OPCML: variants seen among roughly 807,000 people sequenced by gnomAD.
The protein encoded by OPCML is opioid-binding protein/cell adhesion molecule.
OPCML carries 13 observed loss-of-function variants against 37.8 expected under a neutral mutation model. The ratio of observed to expected loss-of-function variants is 0.34; its 90% confidence interval spans 0.22 to 0.55. The LOEUF is 0.55. Ranked by LOEUF, OPCML falls within the 20% of genes least tolerant of loss-of-function variation. The pLI, the probability that OPCML is intolerant of heterozygous loss-of-function variation, is 0.91. For synonymous variants in OPCML, 176 were observed against 168.8 expected (o/e 1.04, Z -0.33); for missense variants, 341 against 435.6 (o/e 0.78, Z 1.93).
At chr11:132,505,962 A>T (rs927726955) in intron 4 of OPCML, among the ~76,000 whole-genome samples, 11 of 152,180 alleles carry the variant, frequency 7.2e-5, no homozygotes, top group Non-Finnish European at 1.5e-4. Context: ...GAAGAGACAC[A>T]TCACATCTCC....
intron 1 of OPCML, among the ~76,000 whole-genome samples, chr11:133,349,713 T>C (rs1944084772): frequency 6.6e-6 from 1 of 152,208 alleles, no homozygotes; most frequent in Admixed American, 6.5e-5. Context: ...TGGATTTTCT[T>C]TCTGAAGATG....
In OPCML at chr11:133,014,845, C is replaced by T. The variant is rs1003007745; in HGVS notation, c.62-71835G>A. 5.3e-5 allele frequency among the ~76,000 whole-genome samples: 8 copies of T among 152,238 alleles called. 1 individual carries two copies. The highest frequency in any genetic ancestry group is 1.2e-4 in the Non-Finnish European group (8 of 68,048). The stretch of plus-strand genomic sequence containing the variant: ...CTCAAGCCCTCTCTCTCTTCTCCAA[C>T]CCACATCTACTGTCCTAGTATTGGT... On this transcript the variant is annotated intron_variant, in intron 1 of 7. Transcript: ENST00000524381.
intron 1 of OPCML, among the ~76,000 whole-genome samples, chr11:133,048,633 AT>A (rs1030455690): frequency 6.6e-6 from 1 of 152,102 alleles, no homozygotes; most frequent in East Asian, 1.9e-4. Context: ...ACAATAAAAC[AT>A]TTTTTTCTAT....
chr11:132,698,551 T>G (rs979609129), intron 2 of OPCML, among the ~76,000 whole-genome samples: 5 of 152,236 alleles, frequency 3.3e-5, no homozygotes, highest in Non-Finnish European at 7.3e-5. Context: ...CTCAGATATA[T>G]GGTTTGCAAA....
chr11:132,876,230 C>G (rs1165534922), intron 2 of OPCML, among the ~76,000 whole-genome samples: 1 of 152,136 alleles, frequency 6.6e-6, no homozygotes, highest in African/African-American at 2.4e-5. Flanking sequence ...AAACCTTAAG[C>G]CCAGGAGGTC....
intron 2 of OPCML, among the ~76,000 whole-genome samples, chr11:132,914,256 C>T (rs1944533228): frequency 6.6e-6 from 1 of 152,178 alleles, no homozygotes; most frequent in Non-Finnish European, 1.5e-5. Context: ...TGAGACTCTT[C>T]GATATCTCCA....
intron 1 of OPCML, among the ~76,000 whole-genome samples, chr11:133,344,144 C>T (rs1943942122): frequency 6.6e-6 from 1 of 152,198 alleles, no homozygotes; most frequent in Admixed American, 6.5e-5. Flanking sequence ...AATCAGCGTG[C>T]TCCCTCCCTA....
At chr11:132,874,991 T>G (rs986420375) in intron 2 of OPCML, among the ~76,000 whole-genome samples, 1 of 152,220 alleles carries the variant, frequency 6.6e-6, no homozygotes, top group Non-Finnish European at 1.5e-5. Flanking sequence ...ATTTAAAACA[T>G]AGTCTCAGAT....
At chr11:132,426,932 GA>G (rs1251065965) in intron 7 of OPCML, among the ~76,000 whole-genome samples, 8 of 152,062 alleles carry the variant, frequency 5.3e-5, no homozygotes, top group Non-Finnish European at 7.4e-5. Flanking sequence ...AGAGCTCTCA[GA>G]AAAAAATATA....
At chr11:133,279,523 A>G (rs1468781815) in intron 1 of OPCML, among the ~76,000 whole-genome samples, 1 of 152,140 alleles carries the variant, frequency 6.6e-6, no homozygotes, top group Non-Finnish European at 1.5e-5. Flanking sequence ...GGTCTTAGCA[A>G]ACTCACTACT....
At chr11:132,983,483 T>A (rs1946630409) in intron 1 of OPCML, among the ~76,000 whole-genome samples, 1 of 152,246 alleles carries the variant, frequency 6.6e-6, no homozygotes, top group Admixed American at 6.5e-5. Context: ...GACTGGTGAG[T>A]GACCACCCAG....
chr11:133,252,287 A>G (rs1480688686), intron 1 of OPCML, among the ~76,000 whole-genome samples: 1 of 152,242 alleles, frequency 6.6e-6, no homozygotes, highest in Non-Finnish European at 1.5e-5. Context: ...CAAATTTCTC[A>G]TAATATTTAA....
intron 3 of OPCML, among the ~76,000 whole-genome samples, chr11:132,578,728 G>T (rs1486224184): frequency 1.3e-5 from 2 of 152,198 alleles, no homozygotes; most frequent in Admixed American, 1.3e-4. Flanking sequence ...ATCTGAGCTT[G>T]CTAACAACAC....
intron 2 of OPCML, among the ~76,000 whole-genome samples, chr11:132,698,224 G>T (rs1943672012): frequency 6.6e-6 from 1 of 151,954 alleles, no homozygotes; most frequent in African/African-American, 2.4e-5. Context: ...CTTCCATACT[G>T]TTTCCACAAT....
intron 3 of OPCML, among the ~76,000 whole-genome samples, chr11:132,618,509 C>T (rs763041896): frequency 6.6e-6 from 1 of 151,890 alleles, no homozygotes; most frequent in Non-Finnish European, 1.5e-5. Context: ...TCTCAAAAAA[C>T]AAAAATACTT....
chr11:132,868,188 A>C lies in OPCML; in HGVS notation c.146+74738T>G, dbSNP rs944191982. ...GAGGCACCAAGAGCTGCCTTTCCCA[A>C]TTTCTCATAACTGGGCAACAAGGTC... On this transcript the variant is annotated intron_variant, in intron 2 of 7. Transcript: ENST00000524381. Among the ~76,000 whole-genome samples, 14 of 152,170 alleles carry C rather than the reference A, an allele frequency of 9.2e-5. 1 individual carries two copies. In the East Asian group the frequency reaches 2.5e-3, roughly 27 times the overall value.
intron 4 of OPCML, among the ~76,000 whole-genome samples, chr11:132,506,477 G>T (rs1356088607): frequency 6.6e-6 from 1 of 152,138 alleles, no homozygotes; most frequent in African/African-American, 2.4e-5. Flanking sequence ...TGGAAGAATT[G>T]TTATAAATCT....
intron 2 of OPCML, among the ~76,000 whole-genome samples, chr11:132,721,950 CTTTT>C (rs34325848): frequency 0.044 from 3,652 of 82,676 alleles, 93 homozygotes; most frequent in African/African-American, 0.15. Flanking sequence ...CTTTCCTTCC[CTTTT>C]TTTTTTTTTT....
intron 2 of OPCML, among the ~76,000 whole-genome samples, chr11:132,756,627 T>C (rs1946058133): frequency 6.6e-6 from 1 of 152,184 alleles, no homozygotes; most frequent in Admixed American, 6.5e-5. Flanking sequence ...ATGATAAACA[T>C]ATTTATGGCT....
Sources: allele counts gnomAD v4.1 joint callset (sites outside exome capture counted in the v4.1 genomes callset), GRCh38; gene constraint gnomAD v4.1.1; transcripts MANE v1.5; gene names NCBI Gene and HGNC (gene_info 2026-07-23, HGNC 2026-07-21).